Variants in CHCHD3 observed in about 807,000 individuals in gnomAD.
CHCHD3 encodes the protein coiled-coil-helix-coiled-coil-helix domain containing 3, also known as MICOS complex subunit MIC19.
CHCHD3 carries 20 observed loss-of-function variants against 38.2 expected under a neutral mutation model. That is an observed-to-expected ratio of 0.52 (90% confidence interval 0.37 to 0.76). The LOEUF (loss-of-function observed/expected upper bound fraction) is 0.76. CHCHD3 is among the 30% of genes least tolerant of loss of function. The pLI, the probability that CHCHD3 is intolerant of heterozygous loss-of-function variation, is 0.00. For missense variants in CHCHD3, 245 were observed against 279.2 expected (o/e 0.88, Z 0.87); for synonymous variants, 82 against 100.0 (o/e 0.82, Z 1.07).
chr7:132,869,026 A>G lies in CHCHD3; in HGVS notation c.453+16636T>C, dbSNP rs1223577309. 3.3e-5 allele frequency among the ~76,000 whole-genome samples: 5 copies of G among 152,280 alleles called. No homozygotes were observed. The South Asian group carries it at 1.0e-3, about 32-fold the overall frequency. On this transcript the variant is annotated intron_variant, in intron 5 of 7. Coordinates refer to ENST00000262570, the MANE Select transcript of CHCHD3 (RefSeq NM_017812.4). ...AACAACAAAAAAAAACTGACCCAAA[A>G]TGCATCACGAAAAAGCAAATCCTTG...
chr7:132,933,885 T>C (rs950020472), intron 4 of CHCHD3, among the ~76,000 whole-genome samples: 12 of 152,188 alleles, frequency 7.9e-5, no homozygotes, highest in African/African-American at 2.2e-4. Flanking sequence ...TTAATAATAA[T>C]GGGTGAAGGA....
chr7:132,850,907 C>T (rs1018553178), intron 5 of CHCHD3, among the ~76,000 whole-genome samples: 1 of 151,948 alleles, frequency 6.6e-6, no homozygotes, highest in Non-Finnish European at 1.5e-5. Flanking sequence ...AAGTATCTAC[C>T]TTCATATTCA....
chr7:133,056,146 C>CAA (rs796648838), intron 2 of CHCHD3, among the ~76,000 whole-genome samples: 4 of 137,288 alleles, frequency 2.9e-5, no homozygotes, highest in African/African-American at 8.0e-5. Flanking sequence ...GACTATGCCT[C>CAA]AAAAAAAAAA....
intron 1 of CHCHD3, among the ~76,000 whole-genome samples, chr7:133,080,590 A>C (rs778759711): frequency 6.6e-6 from 1 of 152,262 alleles, no homozygotes; most frequent in African/African-American, 2.4e-5. Flanking sequence ...CTTAAAGTTT[A>C]CAGTAATTTT....
intron 5 of CHCHD3, among the ~76,000 whole-genome samples, chr7:132,860,605 G>A (rs1808465692): frequency 6.6e-6 from 1 of 151,934 alleles, no homozygotes; most frequent in Non-Finnish European, 1.5e-5. Context: ...ACGGTTTTCA[G>A]CAAAGAAACG....
intron 2 of CHCHD3, among the ~76,000 whole-genome samples, chr7:133,033,389 T>G (rs1345087655): frequency 6.6e-6 from 1 of 151,972 alleles, no homozygotes; most frequent in Non-Finnish European, 1.5e-5. Flanking sequence ...GCCATGAAGA[T>G]CCCTCCCCGT....
At chr7:132,964,126 C>A (rs539097930) in intron 4 of CHCHD3, among the ~76,000 whole-genome samples, 96 of 152,160 alleles carry the variant, frequency 6.3e-4, no homozygotes, top group Non-Finnish European at 9.9e-4. Flanking sequence ...GTAGACACTG[C>A]TAATGTATAT....
intron 6 of CHCHD3, among the ~76,000 whole-genome samples, chr7:132,801,893 C>T (rs1438856451): frequency 1.3e-5 from 2 of 152,136 alleles, no homozygotes; most frequent in African/African-American, 2.4e-5. Context: ...GTCAGATCTA[C>T]GTGGGGAACG....
At chr7:133,034,606 T>C (rs202093909) in intron 2 of CHCHD3, 31 of 1,585,948 alleles carry the variant, frequency 2.0e-5, no homozygotes, top group Middle Eastern at 3.4e-4. Flanking sequence ...GCAAGAGATG[T>C]TCACTTGAAG....
chr7:133,082,090 T>C lies in CHCHD3; in HGVS notation c.-153A>G, dbSNP rs1815196359. The C allele has an allele frequency of 3.1e-6, 2 of 648,324 alleles. No individual in the cohort carries two copies. The allele number at this position is 648,324 out of a possible 1,614,324, so 40.2% of individuals were successfully genotyped here. A position where few individuals can be genotyped will look rare whatever the true frequency, so the allele number is the denominator to read the frequency against. ...AGAAGCAAGGAGAAGGCGCCGGTCC[T>C]GAGCTCCCGCCTCCTCCGGTCACGC... is the stretch of plus-strand genomic sequence containing the variant. On this transcript the variant is annotated 5_prime_UTR_variant, in exon 1 of 8. Transcript: ENST00000262570.
In CHCHD3 at chr7:132,795,119, C is replaced by T. The variant is rs78459758; in HGVS notation, c.660+1323G>A. Among the ~76,000 whole-genome samples, 932 of 152,312 alleles carry T rather than the reference C, an allele frequency of 6.1e-3. 9 individuals are homozygous for T. The highest frequency in any genetic ancestry group is 0.021 in the African/African-American group (884 of 41,550). On this transcript the variant is annotated intron_variant, in intron 7 of 7. Transcript: ENST00000262570. ...ACAAATCACATGGTACAAACAGGCA[C>T]GTATGTTAGAGACCAGCATTGAAAC...
intron 2 of CHCHD3, among the ~76,000 whole-genome samples, chr7:133,042,138 A>G (rs1813851087): frequency 6.6e-6 from 1 of 152,206 alleles, no homozygotes; most frequent in Admixed American, 6.5e-5. Context: ...TTTCCAGCAT[A>G]GCATGTCCAA....
intron 4 of CHCHD3, among the ~76,000 whole-genome samples, chr7:132,945,719 G>C (rs1344279710): frequency 1.3e-5 from 2 of 151,880 alleles, no homozygotes; most frequent in African/African-American, 4.8e-5. Flanking sequence ...GAAAAACTAA[G>C]ATACTTAGAT....
chr7:132,934,740 A>G (rs1810596471), intron 4 of CHCHD3, among the ~76,000 whole-genome samples: 1 of 152,202 alleles, frequency 6.6e-6, no homozygotes, highest in Admixed American at 6.5e-5. Flanking sequence ...TGCCGCTCCT[A>G]CACTGCTAGT....
intron 3 of CHCHD3, among the ~76,000 whole-genome samples, chr7:132,992,909 T>A (rs1233701715): frequency 6.6e-6 from 1 of 152,212 alleles, no homozygotes; most frequent in Non-Finnish European, 1.5e-5. Flanking sequence ...AGAATTAAAA[T>A]TAATAAATTT....
At chr7:132,829,137 T>C (rs545039036) in intron 6 of CHCHD3, among the ~76,000 whole-genome samples, 1 of 152,184 alleles carries the variant, frequency 6.6e-6, no homozygotes, top group Non-Finnish European at 1.5e-5. Context: ...TGAATTCTAG[T>C]TGGAATTGGC....
Position 132,990,951 on chromosome 7 carries a change from T to TACACACACACACACACACAC in CHCHD3, c.252-15685_252-15666dup, listed in dbSNP as rs768136991. On this transcript the variant is annotated intron_variant, in intron 3 of 7. Coordinates refer to ENST00000262570, the MANE Select transcript of CHCHD3 (RefSeq NM_017812.4). ...TTCTGCTCCCCTACACAGACACACA[T>TACACACACACACACACACAC]ACACACACACACACACACACACACA... Among the ~76,000 whole-genome samples, 1,040 of 143,744 alleles carry TACACACACACACACACACAC rather than the reference T, an allele frequency of 7.2e-3. 23 individuals are homozygous for TACACACACACACACACACAC. Among genetic ancestry groups the TACACACACACACACACACAC allele is most frequent in the African/African-American group, 0.026 (967 of 37,670 alleles). 94.3% of individuals were successfully genotyped at this position (143,744 alleles called of 152,430 possible). A position where few individuals can be genotyped will look rare whatever the true frequency, so the allele number is the denominator to read the frequency against.
intron 1 of CHCHD3, among the ~76,000 whole-genome samples, chr7:133,081,347 C>A (rs1815165893): frequency 6.8e-6 from 1 of 147,534 alleles, no homozygotes; most frequent in Non-Finnish European, 1.5e-5. Context: ...GACTGTGGGG[C>A]TGGGAGGGAG....
intron 4 of CHCHD3, among the ~76,000 whole-genome samples, chr7:132,952,451 T>C (rs1288842865): frequency 1.3e-5 from 2 of 152,126 alleles, no homozygotes; most frequent in Non-Finnish European, 1.5e-5. Context: ...TTCGCAACTT[T>C]AAAAGTTGGC....
Sources: allele counts gnomAD v4.1 joint callset (sites outside exome capture counted in the v4.1 genomes callset), GRCh38; gene constraint gnomAD v4.1.1; transcripts MANE v1.5; gene names NCBI Gene and HGNC (gene_info 2026-07-23, HGNC 2026-07-21).